Variants in GABRB2 observed in about 807,000 individuals in gnomAD.
GABRB2 encodes gamma-aminobutyric acid type A receptor subunit beta2.
In GABRB2, 16 loss-of-function variants were observed where a neutral mutation model predicts 54.7. The observed-to-expected ratio is 0.29, with a 90% CI of 0.20 to 0.44. The LOEUF is 0.44. Among genes scored for constraint, GABRB2 ranks in the 20% least tolerant of loss-of-function variants. The probability of loss-of-function intolerance (pLI) is 1.00; values close to 1 mark genes in which losing one functional copy is unlikely to be tolerated. For synonymous variants in GABRB2, 244 were observed against 233.8 expected (o/e 1.04, Z -0.40); for missense variants, 355 against 644.0 (o/e 0.55, Z 4.86).
rs1757256734 is a variant in GABRB2 at position 161,292,150 on chromosome 5, A to C, written c.*1931T>G. On this transcript the variant is annotated 3_prime_UTR_variant, in exon 10 of 10. Transcript: ENST00000393959. ...GCAAATTCAGAAAGCTGAAGGATAA[A>C]GGTTTGTTGTTGTTCTTGGACAGCT... The C allele has an allele frequency of 6.6e-6, 1 of 152,212 alleles. No individual in the cohort carries two copies. The highest frequency in any genetic ancestry group is 2.4e-5 in the African/African-American group (1 of 41,460). 9.4% of individuals were successfully genotyped at this position (152,212 alleles called of 1,614,324 possible).
At position 161,537,183 on chromosome 5, in the gene GABRB2, T is replaced by C. The variant is rs569323913; in HGVS notation, c.237+8044A>G. ...TTATTTATCTCTTCTGTGAGCTCCT[T>C]TTCTGTCTTCCACTATCTAAAATAC... On this transcript the variant is annotated intron_variant, in intron 3 of 9. Transcript: ENST00000393959. 2.0e-5 allele frequency among the ~76,000 whole-genome samples: 3 copies of C among 152,322 alleles called. No individual in the cohort carries two copies. The East Asian group carries it at 5.8e-4, about 29-fold the overall frequency.
At position 161,289,979 on chromosome 5, in the gene GABRB2, A is replaced by G. The variant is rs1757193695; in HGVS notation, c.*4102T>C. On this transcript the variant is annotated 3_prime_UTR_variant, in exon 10 of 10. Transcript: ENST00000393959. ...AGAAAAAAACTAAACAATTATTTGTATCTATTGACTATTCATTTACAGCAT... is the reference window on the plus strand; with the variant it reads ...AGAAAAAAACTAAACAATTATTTGTGTCTATTGACTATTCATTTACAGCAT... 6.6e-6 allele frequency: 1 copy of G among 152,598 alleles called. No homozygotes were observed. The allele number at this position is 152,598 out of a possible 1,614,324, so 9.5% of individuals were successfully genotyped here.
chr5:161,428,588 T>C (rs1757079973), intron 4 of GABRB2, among the ~76,000 whole-genome samples: 1 of 152,158 alleles, frequency 6.6e-6, no homozygotes, highest in South Asian at 2.1e-4. Context: ...TTTATTATAG[T>C]GTCGTCAATA....
At chr5:161,359,797 T>C (rs1053237899) in intron 5 of GABRB2, among the ~76,000 whole-genome samples, 5 of 152,130 alleles carry the variant, frequency 3.3e-5, no homozygotes, top group African/African-American at 1.2e-4. Context: ...CTTTAAAAAA[T>C]GGAGGCCGGG....
At chr5:161,367,267 T>G (rs1487254621) in intron 5 of GABRB2, among the ~76,000 whole-genome samples, 1 of 152,206 alleles carries the variant, frequency 6.6e-6, no homozygotes, top group Non-Finnish European at 1.5e-5. Flanking sequence ...ATGTTCTGCA[T>G]GTGATTTAAA....
At chr5:161,350,129 C>T (rs746241731) in intron 5 of GABRB2, among the ~76,000 whole-genome samples, 5 of 152,018 alleles carry the variant, frequency 3.3e-5, no homozygotes, top group Non-Finnish European at 7.4e-5. Flanking sequence ...AAGTTTAAAG[C>T]TTTTACTCTA....
intron 9 of GABRB2, among the ~76,000 whole-genome samples, chr5:161,317,794 T>TA (rs1473399352): frequency 6.6e-6 from 1 of 151,914 alleles, no homozygotes; most frequent in Admixed American, 6.6e-5. Context: ...AAGCCCTTAA[T>TA]AAAAATGGGT....
intron 9 of GABRB2, among the ~76,000 whole-genome samples, chr5:161,321,669 C>G (rs1758214902): frequency 6.6e-6 from 1 of 152,112 alleles, no homozygotes; most frequent in Admixed American, 6.5e-5. Context: ...CTTTCTCCCT[C>G]TCAGAAACTT....
chr5:161,366,063 A>C (rs1284581215), intron 5 of GABRB2, among the ~76,000 whole-genome samples: 1 of 150,212 alleles, frequency 6.7e-6, no homozygotes, highest in Non-Finnish European at 1.5e-5. Flanking sequence ...ATCTAGTATG[A>C]ACTCCGTAAA....
At chr5:161,326,517 G>T (rs752933628) in intron 8 of GABRB2, 36 bp from the exon 9 acceptor site, 5 of 1,602,220 alleles carry the variant, frequency 3.1e-6, no homozygotes, top group Middle Eastern at 1.7e-4. Context: ...TAATTAAGTC[G>T]ATTGATGCTA....
intron 5 of GABRB2, among the ~76,000 whole-genome samples, chr5:161,402,775 A>G (rs768517790): frequency 6.6e-6 from 1 of 152,060 alleles, no homozygotes; most frequent in Non-Finnish European, 1.5e-5. Context: ...AAGCCTGGAG[A>G]TGGGGCCCCA....
chr5:161,483,226 T>C (rs1467748990), intron 3 of GABRB2, among the ~76,000 whole-genome samples: 2 of 152,128 alleles, frequency 1.3e-5, no homozygotes, highest in African/African-American at 4.8e-5. Context: ...CCCAACCTTT[T>C]ATAATTTATA....
chr5:161,310,805 C>T (rs1757843800), intron 9 of GABRB2, among the ~76,000 whole-genome samples: 1 of 151,462 alleles, frequency 6.6e-6, no homozygotes, highest in Non-Finnish European at 1.5e-5. Flanking sequence ...CTCTGTCGCC[C>T]AGGCTGGAGT....
chr5:161,535,364 A>C (rs893294131), intron 3 of GABRB2, among the ~76,000 whole-genome samples: 3 of 152,228 alleles, frequency 2.0e-5, no homozygotes, highest in Non-Finnish European at 2.9e-5. Flanking sequence ...AATTAAATTA[A>C]GGTTTTTTTC....
At chr5:161,315,825 G>A (rs1175869529) in intron 9 of GABRB2, among the ~76,000 whole-genome samples, 3 of 151,990 alleles carry the variant, frequency 2.0e-5, no homozygotes, top group East Asian at 1.9e-4. Flanking sequence ...TGAAATATAC[G>A]ATAAATCTTT....
intron 9 of GABRB2, among the ~76,000 whole-genome samples, chr5:161,297,384 C>T (rs1353080393): frequency 6.6e-6 from 1 of 152,082 alleles, no homozygotes; most frequent in Non-Finnish European, 1.5e-5. Flanking sequence ...CTGCACCCAT[C>T]AACCAGTCAT....
intron 9 of GABRB2, among the ~76,000 whole-genome samples, chr5:161,306,602 G>C (rs955205662): frequency 1.3e-5 from 2 of 152,112 alleles, no homozygotes; most frequent in Admixed American, 6.6e-5. Flanking sequence ...AGTGGACTTC[G>C]CTTCTACAGA....
intron 4 of GABRB2, among the ~76,000 whole-genome samples, chr5:161,446,551 G>A (rs1208138054): frequency 6.6e-6 from 1 of 152,094 alleles, no homozygotes. Flanking sequence ...GAAAGGCACA[G>A]ACTTTGGAGT....
intron 5 of GABRB2, among the ~76,000 whole-genome samples, chr5:161,353,452 C>T (rs1754529257): frequency 6.6e-6 from 1 of 151,982 alleles, no homozygotes; most frequent in South Asian, 2.1e-4. Context: ...GATACAGGAA[C>T]GTTGCTCTTA....
Sources: allele counts gnomAD v4.1 joint callset (sites outside exome capture counted in the v4.1 genomes callset), GRCh38; gene constraint gnomAD v4.1.1; transcripts MANE v1.5; gene names NCBI Gene and HGNC (gene_info 2026-07-23, HGNC 2026-07-21).